ECE1: variants seen among roughly 807,000 people sequenced by gnomAD.
The protein encoded by ECE1 is endothelin-converting enzyme 1.
A neutral mutation model predicts 98.6 loss-of-function variants in ECE1; 35 were observed. That is an observed-to-expected ratio of 0.35 (90% confidence interval 0.27 to 0.47). The LOEUF (loss-of-function observed/expected upper bound fraction) is 0.47. Ranked by LOEUF, ECE1 falls within the 20% of genes least tolerant of loss-of-function variation. The pLI, the probability that ECE1 is intolerant of heterozygous loss-of-function variation, is 1.00. For synonymous variants in ECE1, 394 were observed against 407.1 expected (o/e 0.97, Z 0.39); for missense variants, 814 against 1,025.3 (o/e 0.79, Z 2.81).
At chr1:21,317,983 G>A (rs1410308564) in intron 1 of ECE1, among the ~76,000 whole-genome samples, 1 of 152,216 alleles carries the variant, frequency 6.6e-6, no homozygotes, top group Non-Finnish European at 1.5e-5. Flanking sequence ...CTCGAAGTGG[G>A]GACAAAACAC....
chr1:21,323,415 A>G (rs213023), intron 1 of ECE1, among the ~76,000 whole-genome samples: 15,683 of 152,184 alleles, frequency 0.1, 1,088 homozygotes, highest in East Asian at 0.38. Context: ...TGTGCCTACT[A>G]CGTGTTAGCA....
Position 21,327,903 on chromosome 1 carries a change from G to C in ECE1, c.3+17473C>G, listed in dbSNP as rs957301162. Among the ~76,000 whole-genome samples the C allele has an allele frequency of 1.3e-5, 2 of 152,216 alleles. No individual in the cohort carries two copies. Among genetic ancestry groups the C allele is most frequent in the South Asian group, 4.1e-4 (2 of 4,836 alleles). On this transcript the variant is annotated intron_variant, in intron 1 of 18. Coordinates refer to the ECE1 transcript ENST00000415912. The surrounding 1 kb of genome is among the most constrained non-coding windows in gnomAD (Gnocchi z 4.6). ...CCTATTGTGAACTGCACGTGCGAGG[G>C]ATCTAGGCTGTGCATTCCTATGAGA... is the stretch of plus-strand genomic sequence containing the variant.
At chr1:21,341,578 G>C (rs954914049) in intron 1 of ECE1, among the ~76,000 whole-genome samples, 8 of 152,206 alleles carry the variant, frequency 5.3e-5, no homozygotes, top group African/African-American at 1.9e-4. Context: ...ACTCTGCAGG[G>C]AAAACAATGT....
At chr1:21,323,442 T>G (rs1473066727) in intron 1 of ECE1, among the ~76,000 whole-genome samples, 1 of 152,108 alleles carries the variant, frequency 6.6e-6, no homozygotes, top group Non-Finnish European at 1.5e-5. Flanking sequence ...TCGACAGATA[T>G]AGCAGGAAAC....
intron 2 of ECE1, among the ~76,000 whole-genome samples, chr1:21,287,971 AAAC>A (rs376552204): frequency 0.011 from 1,590 of 151,392 alleles, 29 homozygotes; most frequent in African/African-American, 0.032. Flanking sequence ...AAAAAAAAAA[AAAC>A]AATGATTGAA....
At chr1:21,269,789 C>G (rs1003775337) in intron 4 of ECE1, among the ~76,000 whole-genome samples, 1 of 152,252 alleles carries the variant, frequency 6.6e-6, no homozygotes. Context: ...AGCCAGGTCA[C>G]TTGTCCAAGG....
intron 1 of ECE1, among the ~76,000 whole-genome samples, chr1:21,323,996 A>G (rs1639021228): frequency 6.6e-6 from 1 of 151,182 alleles, no homozygotes; most frequent in Non-Finnish European, 1.5e-5. Context: ...ATTTTTTTGT[A>G]TTTTTAGTAG....
intron 3 of ECE1, among the ~76,000 whole-genome samples, chr1:21,278,374 T>C (rs2098249998): frequency 6.6e-6 from 1 of 152,202 alleles, no homozygotes; most frequent in Admixed American, 6.5e-5. Context: ...GGCCCAATTG[T>C]ATCACCATTC....
intron 1 of ECE1, among the ~76,000 whole-genome samples, chr1:21,332,903 T>C (rs139332483): frequency 2.0e-5 from 3 of 151,904 alleles, no homozygotes; most frequent in East Asian, 2.0e-4. Context: ...AGAGAAACAA[T>C]TGGGACATGT....
Position 21,307,091 on chromosome 1 carries a change from T to G in ECE1, c.4-16935A>C, listed in dbSNP as rs1638614463. Among the ~76,000 whole-genome samples, 1 of 152,186 alleles carries G rather than the reference T, an allele frequency of 6.6e-6. No individual in the cohort carries two copies. The highest frequency in any genetic ancestry group is 1.5e-5 in the Non-Finnish European group (1 of 68,022). On this transcript the variant is annotated intron_variant, in intron 1 of 18. Coordinates refer to the ECE1 transcript ENST00000415912. This position sits in a 1 kb window ranked among gnomAD's most constrained non-coding sequence, Gnocchi z 4.2. Reference sequence around the variant, plus strand: ...TCCACCGAGGACTCCCTCGTCTCCCTGCACTCAAGACTCTCCCCTTCCTCT... The same window carrying G: ...TCCACCGAGGACTCCCTCGTCTCCCGGCACTCAAGACTCTCCCCTTCCTCT...
chr1:21,328,738 G>A (rs575749553), intron 1 of ECE1, among the ~76,000 whole-genome samples: 1 of 134,336 alleles, frequency 7.4e-6, no homozygotes, highest in Non-Finnish European at 1.5e-5. Flanking sequence ...ACTCCAGCCT[G>A]AGCAACAAGA....
At chr1:21,334,613 G>A (rs757668047) in intron 1 of ECE1, among the ~76,000 whole-genome samples, 6 of 152,208 alleles carry the variant, frequency 3.9e-5, no homozygotes, top group Non-Finnish European at 8.8e-5. Context: ...TGGGTCCCCA[G>A]GGGCTGGGAC....
chr1:21,240,669 G>A (rs2103249683), intron 10 of ECE1, among the ~76,000 whole-genome samples: 1 of 152,280 alleles, frequency 6.6e-6, no homozygotes, highest in South Asian at 2.1e-4. Flanking sequence ...TGGATGCCTT[G>A]CCCTCAGCCT....
At chr1:21,330,293 T>C (rs1023698696) in intron 1 of ECE1, among the ~76,000 whole-genome samples, 3 of 137,522 alleles carry the variant, frequency 2.2e-5, no homozygotes, top group Non-Finnish European at 3.1e-5. Context: ...TGGAGTGCAG[T>C]GGCATGATCT....
intron 1 of ECE1, among the ~76,000 whole-genome samples, chr1:21,301,449 C>T (rs1638481795): frequency 6.6e-6 from 1 of 152,006 alleles, no homozygotes; most frequent in South Asian, 2.1e-4. Context: ...GAGCCGAGAT[C>T]ACGCCACTGC....
chr1:21,310,932 C>A (rs1000170024), intron 1 of ECE1, among the ~76,000 whole-genome samples: 2 of 152,202 alleles, frequency 1.3e-5, no homozygotes, highest in African/African-American at 4.8e-5. Flanking sequence ...AGCAACATAT[C>A]CTACAAAAAC....
chr1:21,226,576 G>C (rs900640306), intron 16 of ECE1, among the ~76,000 whole-genome samples: 9 of 152,162 alleles, frequency 5.9e-5, no homozygotes, highest in African/African-American at 2.2e-4. Context: ...ACCTGTACCA[G>C]GCAGTGGTGC....
intron 1 of ECE1, among the ~76,000 whole-genome samples, chr1:21,309,817 A>C (rs1638678438): frequency 8.1e-6 from 1 of 123,216 alleles, no homozygotes; most frequent in Non-Finnish European, 1.6e-5. Context: ...TTTGAGACGG[A>C]GTCTCGCTCT....
upstream of ECE1, among the ~76,000 whole-genome samples, chr1:21,293,127 T>C (rs946326813): frequency 3.3e-5 from 5 of 152,180 alleles, no homozygotes; most frequent in Non-Finnish European, 7.3e-5. Flanking sequence ...TCTTTTAAGC[T>C]TCTCACCCTT....
Sources: allele counts gnomAD v4.1 joint callset (sites outside exome capture counted in the v4.1 genomes callset), GRCh38; gene constraint gnomAD v4.1.1; non-coding constraint Gnocchi (gnomAD v3.1); transcripts MANE v1.5; gene names NCBI Gene and HGNC (gene_info 2026-07-23, HGNC 2026-07-21).